EPHA3: variants seen among roughly 807,000 people sequenced by gnomAD.
EPHA3 encodes the protein EPH receptor A3, also known as ephrin type-A receptor 3.
EPHA3 carries 42 observed loss-of-function variants against 107.1 expected under a neutral mutation model. The ratio of observed to expected loss-of-function variants is 0.39; its 90% CI spans 0.31 to 0.51. The LOEUF (loss-of-function observed/expected upper bound fraction) is 0.51. Ranked by LOEUF, EPHA3 falls within the 20% of genes least tolerant of loss-of-function variation. The probability of loss-of-function intolerance (pLI) is 0.78; values close to 1 mark genes in which losing one functional copy is unlikely to be tolerated. For missense variants in EPHA3, 1,183 were observed against 1,211.2 expected (o/e 0.98, Z 0.35); for synonymous variants, 461 against 424.8 (o/e 1.09, Z -1.05).
In EPHA3 at chr3:89,399,358, G is replaced by C. The variant is rs773835698; in HGVS notation, c.1472G>C (p.Gly491Ala). The C allele has an allele frequency of 6.2e-7, 1 of 1,613,454 alleles. No homozygotes were observed. The highest frequency in any genetic ancestry group is 8.5e-7 in the Non-Finnish European group (1 of 1,179,602). The change falls in exon 7 of 17, where the codon GGC becomes GCC. Residue 491 changes from glycine (G) to alanine (A), a missense_variant. Transcript: ENST00000336596. ...AGTTATACCATTCTGAGGGCAAGAG[G>C]CACAAATGTTACCATCAGTAGCCTC... ...ETSYTILRAR[G>A]TNVTISSLKP...
chr3:89,307,478 G>A (rs1416293332), intron 3 of EPHA3, among the ~76,000 whole-genome samples: 1 of 152,110 alleles, frequency 6.6e-6, no homozygotes, highest in Non-Finnish European at 1.5e-5. Flanking sequence ...AAGTCAAGAG[G>A]CTAACCACAT....
intron 2 of EPHA3, among the ~76,000 whole-genome samples, chr3:89,143,532 T>G (rs933240090): frequency 6.6e-6 from 1 of 151,632 alleles, no homozygotes; most frequent in Non-Finnish European, 1.5e-5. Flanking sequence ...CTATAGTGGT[T>G]GGAAATTTCA....
intron 15 of EPHA3, 91 bp downstream of exon 15, chr3:89,450,461 G>A: frequency 7.8e-7 from 1 of 1,279,798 alleles, no homozygotes; most frequent in Non-Finnish European, 1.1e-6. Flanking sequence ...CCCCCAAAAT[G>A]CATTATTTGA....
intron 3 of EPHA3, among the ~76,000 whole-genome samples, chr3:89,255,792 T>A (rs1705270752): frequency 6.6e-6 from 1 of 151,918 alleles, no homozygotes; most frequent in African/African-American, 2.4e-5. Flanking sequence ...TCCCAGCTAC[T>A]TAGGAGGCTA....
At chr3:89,425,799 A>T (rs983701727) in intron 11 of EPHA3, among the ~76,000 whole-genome samples, 15 of 151,590 alleles carry the variant, frequency 9.9e-5, no homozygotes, top group Non-Finnish European at 1.9e-4. Flanking sequence ...TTGTGTTAAA[A>T]TAGCTGGTGC....
Position 89,340,958 on chromosome 3 carries a change from A to C in EPHA3, c.857A>C (p.Lys286Thr), listed in dbSNP as rs758077460. Residue 286 changes from lysine (K) to threonine (T), a missense_variant, in exon 4 of 17, where the codon AAG becomes ACG. By Grantham distance (78) the Lys-to-Thr change is moderately conservative. Coordinates refer to ENST00000336596, the MANE Select transcript of EPHA3 (RefSeq NM_005233.6). ...GFYKALDGNM[K>T]CAKCPPHSST... is the part of the protein sequence containing the mutation. ...TACAAGGCATTGGATGGTAATATGA[A>C]GTGTGCTAAGTGCCCGCCTCACAGT... The C allele has an allele frequency of 1.2e-6, 2 of 1,614,078 alleles. No homozygotes were observed. Among genetic ancestry groups the C allele is most frequent in the Non-Finnish European group, 1.7e-6 (2 of 1,179,986 alleles).
intron 11 of EPHA3, among the ~76,000 whole-genome samples, chr3:89,425,913 G>C (rs138942776): frequency 6.6e-6 from 1 of 151,690 alleles, no homozygotes; most frequent in Non-Finnish European, 1.5e-5. Context: ...GTTGGGAAAA[G>C]GAACTGATTA....
intron 2 of EPHA3, among the ~76,000 whole-genome samples, chr3:89,209,057 G>A (rs1334206217): frequency 1.3e-5 from 2 of 152,118 alleles, no homozygotes; most frequent in Admixed American, 1.3e-4. Flanking sequence ...AGAAAATAGT[G>A]CTTCACTGTT....
At chr3:89,146,999 T>C (rs1247522714) in intron 2 of EPHA3, among the ~76,000 whole-genome samples, 2 of 151,862 alleles carry the variant, frequency 1.3e-5, no homozygotes. Flanking sequence ...TGGAATACCA[T>C]GCAGCCATAG....
At chr3:89,309,467 G>A (rs1405210261) in intron 3 of EPHA3, among the ~76,000 whole-genome samples, 1 of 151,968 alleles carries the variant, frequency 6.6e-6, no homozygotes, top group Non-Finnish European at 1.5e-5. Context: ...GAGAGGGAAG[G>A]AATAATTCTG....
At chr3:89,344,250 G>A (rs1707593476) in intron 5 of EPHA3, among the ~76,000 whole-genome samples, 2 of 152,064 alleles carry the variant, frequency 1.3e-5, no homozygotes, top group African/African-American at 2.4e-5. Context: ...CACAGTAAAT[G>A]AATCTAGGCA....
chr3:89,466,513 G>A (rs1258139398), intron 15 of EPHA3, among the ~76,000 whole-genome samples: 1 of 134,108 alleles, frequency 7.5e-6, no homozygotes, highest in Non-Finnish European at 1.6e-5. Flanking sequence ...TCCGAGCCAG[G>A]TGTGGGATAT....
chr3:89,198,351 A>G (rs1027538558), intron 2 of EPHA3, among the ~76,000 whole-genome samples: 2 of 152,238 alleles, frequency 1.3e-5, no homozygotes, highest in Non-Finnish European at 1.5e-5. Context: ...AGAAAATGTT[A>G]TTATTATTTT....
At chr3:89,437,583 A>C (rs1403909293) in intron 13 of EPHA3, among the ~76,000 whole-genome samples, 5 of 152,210 alleles carry the variant, frequency 3.3e-5, no homozygotes, top group Non-Finnish European at 7.3e-5. Context: ...TTGCCACTGA[A>C]TGATTTTTCA....
intron 2 of EPHA3, among the ~76,000 whole-genome samples, chr3:89,197,879 G>C (rs1189256832): frequency 6.6e-6 from 1 of 152,084 alleles, no homozygotes; most frequent in Non-Finnish European, 1.5e-5. Context: ...GGGAGGCTGA[G>C]GGGGGAGAAT....
intron 3 of EPHA3, among the ~76,000 whole-genome samples, chr3:89,266,128 T>C (rs1228654006): frequency 1.3e-5 from 2 of 152,138 alleles, no homozygotes; most frequent in African/African-American, 2.4e-5. Flanking sequence ...TCTAAACTCA[T>C]TGAATAATAA....
chr3:89,460,610 G>T (rs906760873), intron 15 of EPHA3, among the ~76,000 whole-genome samples: 3 of 148,996 alleles, frequency 2.0e-5, no homozygotes, highest in African/African-American at 7.4e-5. Flanking sequence ...GTACATAATA[G>T]AATTCTTTTT....
At chr3:89,381,328 G>A (rs751247211) in intron 5 of EPHA3, among the ~76,000 whole-genome samples, 3 of 151,644 alleles carry the variant, frequency 2.0e-5, no homozygotes, top group African/African-American at 4.8e-5. Context: ...CATCATAGAC[G>A]TCTTTCACTA....
At chr3:89,265,535 T>C (rs1439642392) in intron 3 of EPHA3, among the ~76,000 whole-genome samples, 2 of 152,308 alleles carry the variant, frequency 1.3e-5, no homozygotes, top group Admixed American at 6.5e-5. Flanking sequence ...AAATGTGATA[T>C]GGCTTTTATT....
Sources: allele counts gnomAD v4.1 joint callset (sites outside exome capture counted in the v4.1 genomes callset), GRCh38; gene constraint gnomAD v4.1.1; transcripts MANE v1.5; gene names NCBI Gene and HGNC (gene_info 2026-07-23, HGNC 2026-07-21).